The following ABCA4 variants were observed in gnomAD, a reference collection of about 807,000 sequenced individuals.
The protein encoded by ABCA4 is ATP binding cassette subfamily A member 4.
A neutral mutation model predicts 263.7 loss-of-function variants in ABCA4; 196 were observed. That is an observed-to-expected ratio of 0.74 (90% CI 0.66 to 0.84). ABCA4 has a LOEUF of 0.84. Ranked by LOEUF, ABCA4 falls within the 40% of genes least tolerant of loss-of-function variation. ABCA4 has a pLI of 0.00. For synonymous variants in ABCA4, 1,133 were observed against 1,094.2 expected (o/e 1.04, Z -0.70); for missense variants, 2,792 against 2,855.1 (o/e 0.98, Z 0.50).
intron 35 of ABCA4, 69 bp downstream of exon 35, chr1:94,021,171 C>T: frequency 1.2e-6 from 2 of 1,605,680 alleles, no homozygotes; most frequent in Non-Finnish European, 1.7e-6. Flanking sequence ...TGGTGAGAAT[C>T]CTCTCAGGAT....
At position 94,046,909 on chromosome 1, in the gene ABCA4, G is replaced by A. The variant is rs538286148; in HGVS notation, c.2918+10C>T. 1 of 1,613,894 alleles carries A rather than the reference G, an allele frequency of 6.2e-7. No homozygotes were observed. Among genetic ancestry groups the A allele is most frequent in the East Asian group, 2.2e-5 (1 of 44,878 alleles). ...AGCATGGCAGCCAGCTTCTCTGCTG[G>A]AAGACTCACAAGGTGGTGGTTTTCC... On this transcript the variant is annotated intron_variant, in intron 19 of 49. Coordinates refer to ENST00000370225, the MANE Select transcript of ABCA4 (RefSeq NM_000350.3).
chr1:94,014,414 G>T (rs1488736966), intron 38 of ABCA4, 129 bp downstream of exon 38: 1 of 1,042,410 alleles, frequency 9.6e-7, no homozygotes, highest in Non-Finnish European at 1.5e-6. Context: ...TCGGGGGTAG[G>T]GAGGAAGAAA....
chr1:94,048,957 C>T lies in ABCA4; in HGVS notation c.2654G>A (p.Gly885Glu), dbSNP rs1660764005. 1.9e-6 allele frequency: 3 copies of T among 1,613,882 alleles called. No individual in the cohort carries two copies. The highest frequency in any genetic ancestry group is 2.7e-5 in the African/African-American group (2 of 74,952). The change falls in exon 18 of 50, where the codon GGG (glycine) becomes GAG (glutamate). Residue 885 changes from glycine to glutamate, a missense_variant and splice_region_variant. Coordinates refer to ENST00000370225, the MANE Select transcript of ABCA4 (RefSeq NM_000350.3). ...GGCTCTTTCTTCTCTGGTTGAACAC[C>T]CTGCACCAATCAGAAGCCAGTGTTA... Reference protein sequence around the residue: ...LQESYWLGGEGCSTREERALE... With the variant: ...LQESYWLGGEECSTREERALE...
intron 20 of ABCA4, 130 bp downstream of exon 20, chr1:94,044,483 G>T: frequency 2.8e-6 from 4 of 1,408,754 alleles, no homozygotes; most frequent in Non-Finnish European, 4.0e-6. Flanking sequence ...AAACATAGGG[G>T]AAACCAAATA....
chr1:94,116,993 T>C (rs1662794986), intron 1 of ABCA4, among the ~76,000 whole-genome samples: 1 of 122,652 alleles, frequency 8.2e-6, no homozygotes, highest in Non-Finnish European at 1.8e-5. Flanking sequence ...TTTCTTTCTT[T>C]CTTTCTTTCT....
chr1:94,085,327 T>A (rs1276971154), intron 6 of ABCA4, among the ~76,000 whole-genome samples: 1 of 152,224 alleles, frequency 6.6e-6, no homozygotes, highest in Non-Finnish European at 1.5e-5. Context: ...GGAGCTCATT[T>A]TATTATTCAC....
intron 15 of ABCA4, 32 bp downstream of exon 15, chr1:94,056,569 T>C: frequency 1.2e-6 from 2 of 1,603,000 alleles, no homozygotes; most frequent in Non-Finnish European, 1.7e-6. Context: ...AGGAAACGTG[T>C]TGTAGGACAG....
chr1:94,118,917 A>G (rs764827807), intron 1 of ABCA4, among the ~76,000 whole-genome samples: 4 of 152,246 alleles, frequency 2.6e-5, no homozygotes, highest in Middle Eastern at 3.2e-3. Context: ...CAGCAGCTAC[A>G]GTCCTGTTAT....
intron 22 of ABCA4, among the ~76,000 whole-genome samples, chr1:94,042,093 T>C (rs1660503811): frequency 4.5e-5 from 4 of 88,812 alleles, no homozygotes; most frequent in African/African-American, 9.0e-5. Context: ...AGCGAGATTC[T>C]GTCTCAAAAA....
At chr1:93,997,303 A>G (rs767628435) in intron 48 of ABCA4, among the ~76,000 whole-genome samples, 2 of 152,040 alleles carry the variant, frequency 1.3e-5, no homozygotes, top group African/African-American at 2.4e-5. Flanking sequence ...TGTCACCCAG[A>G]CTAGAGTGCA....
chr1:94,050,538 T>C (rs1490005301), intron 17 of ABCA4, among the ~76,000 whole-genome samples: 3 of 152,234 alleles, frequency 2.0e-5, no homozygotes, highest in Non-Finnish European at 4.4e-5. Context: ...GTGATTCACT[T>C]TTGAAGGAGC....
intron 11 of ABCA4, among the ~76,000 whole-genome samples, chr1:94,066,829 T>A (rs2101084418): frequency 6.6e-6 from 1 of 152,380 alleles, no homozygotes; most frequent in African/African-American, 2.4e-5. Context: ...TCTGCAGTGA[T>A]GGAATTGTTC....
chr1:94,018,646 C>T (rs1329393056), intron 36 of ABCA4: 1 of 452,920 alleles, frequency 2.2e-6, no homozygotes, highest in Non-Finnish European at 4.4e-6. Context: ...CTTATCATCA[C>T]ATGAAATGGA....
rs10518541 is a variant in ABCA4 at position 94,066,335 on chromosome 1, T to G, written c.1555-3018A>C. On this transcript the variant is annotated intron_variant, in intron 11 of 49. Coordinates refer to ENST00000370225, the MANE Select transcript of ABCA4 (RefSeq NM_000350.3). ...CATTTAAATTTGCTTTAGGGAGACC[T>G]CAATGTTGTACAAAGATAAGTAGTC... Among the ~76,000 whole-genome samples, 581 of 152,378 alleles carry G rather than the reference T, an allele frequency of 3.8e-3. 10 individuals are homozygous for G. The highest frequency in any genetic ancestry group is 0.035 in the Admixed American group (533 of 15,306).
Position 94,005,511 on chromosome 1 carries a change from A to G in ABCA4, c.6077T>C (p.Leu2026Pro), listed in dbSNP as rs886044758. Residue 2026 changes from leucine to proline, a missense_variant, in exon 44 of 50, where the codon CTG (leucine) becomes CCG (proline). Physicochemically the swap from Leu to Pro is moderately conservative, Grantham distance 98. Coordinates refer to ENST00000370225, the MANE Select transcript of ABCA4 (RefSeq NM_000350.3). ...GTAAAGATGTTCTCGTCCTGTGAGC[A>G]GCTCATCAATTGCATCAAACTGAGG... is the stretch of plus-strand genomic sequence containing the variant. ...YCPQFDAIDE[L>P]LTGREHLYLY... 3 of 1,614,182 alleles carry G rather than the reference A, an allele frequency of 1.9e-6. No homozygotes were observed. Among genetic ancestry groups the G allele is most frequent in the Admixed American group, 1.7e-5 (1 of 60,024 alleles).
Position 93,996,161 on chromosome 1 carries a change from C to A in ABCA4, c.6764G>T (p.Ser2255Ile), listed in dbSNP as rs6666652. The change falls in exon 49 of 50, where the codon AGT becomes ATT. Residue 2255 changes from serine (S) to isoleucine (I), a missense_variant. Ser to Ile is a moderately radical substitution (Grantham distance 142). Transcript: ENST00000370225. ...FVNFAKQQTE[S>I]HDLPLHPRAA... is the part of the protein sequence containing the mutation. Reference sequence around the variant, plus strand: ...TCGAGGGTGCAGAGGGAGGTCATGACTTTCAGTCTGCTGTTTAGCAAAATT... The same window carrying A: ...TCGAGGGTGCAGAGGGAGGTCATGAATTTCAGTCTGCTGTTTAGCAAAATT... 0.062 allele frequency: 99,875 copies of A among 1,613,784 alleles called. 10,691 individuals are homozygous for A. The highest frequency in any genetic ancestry group is 0.49 in the African/African-American group (36,625 of 74,942).
At chr1:93,998,744 T>TTTATTTCATTTTATG (rs1659086038) in intron 47 of ABCA4, among the ~76,000 whole-genome samples, 1 of 148,482 alleles carries the variant, frequency 6.7e-6, no homozygotes, top group Non-Finnish European at 1.5e-5. Flanking sequence ...TTTATTTTAT[T>TTTATTTCATTTTATG]TTATTTTATT....
chr1:94,024,910 C>T (rs1659994594), intron 31 of ABCA4, 44 bp downstream of exon 31: 1 of 1,484,412 alleles, frequency 6.7e-7, no homozygotes, highest in Non-Finnish European at 9.4e-7. Context: ...TTAATATCTT[C>T]TACAGGGAGC....
intron 17 of ABCA4, among the ~76,000 whole-genome samples, chr1:94,049,825 T>C (rs1660784856): frequency 6.7e-6 from 1 of 149,948 alleles, no homozygotes; most frequent in South Asian, 2.1e-4. Flanking sequence ...ACACACGCAT[T>C]GAACACACAC....
Sources: gnomAD v4.1 joint callset for allele counts (sites outside exome capture counted in the v4.1 genomes callset) on GRCh38, gnomAD v4.1.1 for gene constraint, MANE v1.5 for transcripts, NCBI Gene and HGNC (gene_info 2026-07-23, HGNC 2026-07-21) for gene names.